The following EPB41 variants were observed in gnomAD, a reference collection of about 807,000 sequenced individuals.
The protein encoded by EPB41 is erythrocyte membrane protein band 4.1.
Under a neutral mutation model 108.0 loss-of-function variants are expected in EPB41, and 65 were observed. The ratio of observed to expected loss-of-function variants is 0.60; its 90% confidence interval spans 0.49 to 0.74. The LOEUF (loss-of-function observed/expected upper bound fraction) is 0.74, where lower values mean the gene tolerates loss of function less well. Among genes scored for constraint, EPB41 ranks in the 30% least tolerant of loss-of-function variants. The pLI, the probability that EPB41 is intolerant of heterozygous loss-of-function variation, is 0.00. For missense variants in EPB41, 875 were observed against 1,037.0 expected, an observed-to-expected ratio of 0.84 and a Z score of 2.15; for synonymous variants, 336 against 358.9, an observed-to-expected ratio of 0.94 and a Z score of 0.72.
intron 7 of EPB41, among the ~76,000 whole-genome samples, chr1:29,020,487 G>A (rs2096630596): frequency 6.6e-6 from 1 of 152,098 alleles, no homozygotes; most frequent in Non-Finnish European, 1.5e-5. Context: ...TGTCAATACT[G>A]TAGGGAAATG....
chr1:29,031,391 G>C (rs547758828), intron 8 of EPB41, among the ~76,000 whole-genome samples: 1 of 152,152 alleles, frequency 6.6e-6, no homozygotes, highest in Non-Finnish European at 1.5e-5. Flanking sequence ...CAGATGTATG[G>C]AATTAATTTG....
At chr1:29,017,406 C>T (rs949408204) in intron 6 of EPB41, among the ~76,000 whole-genome samples, 5 of 152,100 alleles carry the variant, frequency 3.3e-5, no homozygotes, top group Admixed American at 2.6e-4. Flanking sequence ...AGTTAGAACA[C>T]GTGGTAAGGA....
chr1:29,118,519 G>A lies in EPB41; in HGVS notation c.*1707G>A, dbSNP rs1452670073. ...GTTCCAGCTTCCTAAAATAGACAGT[G>A]GGTATCGGGCAGCAGTCACTGGGGC... is the stretch of plus-strand genomic sequence containing the variant. On this transcript the variant is annotated 3_prime_UTR_variant, in exon 21 of 21. Transcript: ENST00000343067. 6.6e-6 allele frequency: 1 copy of A among 152,254 alleles called. No individual in the cohort carries two copies. Among genetic ancestry groups the A allele is most frequent in the South Asian group, 2.1e-4 (1 of 4,834 alleles). 9.4% of individuals were successfully genotyped at this position (152,254 alleles called of 1,614,324 possible). A position where few individuals can be genotyped will look rare whatever the true frequency, so the allele number is the denominator to read the frequency against.
At chr1:28,927,384 A>G (rs997927212) in intron 1 of EPB41, among the ~76,000 whole-genome samples, 2 of 152,172 alleles carry the variant, frequency 1.3e-5, no homozygotes, top group Non-Finnish European at 2.9e-5. Context: ...AAAAATTTTC[A>G]GTAAGGAAGC....
At chr1:28,954,206 A>T (rs2094854587) in intron 1 of EPB41, among the ~76,000 whole-genome samples, 1 of 152,214 alleles carries the variant, frequency 6.6e-6, no homozygotes, top group Non-Finnish European at 1.5e-5. Flanking sequence ...AAGACTTCTA[A>T]TATTGTTTAG....
chr1:28,897,106 G>A (rs1193777506), intron 1 of EPB41, among the ~76,000 whole-genome samples: 1 of 152,176 alleles, frequency 6.6e-6, no homozygotes, highest in African/African-American at 2.4e-5. Context: ...CAGGGCCCAG[G>A]GTACCCACTC....
chr1:29,034,265 G>A (rs1455771625), intron 9 of EPB41, among the ~76,000 whole-genome samples: 2 of 152,062 alleles, frequency 1.3e-5, no homozygotes, highest in Non-Finnish European at 2.9e-5. Flanking sequence ...ACTATTCTAG[G>A]GACTAGGAAT....
Position 29,053,101 on chromosome 1 carries a change from TAGC to T in EPB41, c.1641_1643del (p.Ala548del). ...ATGCTTCCCTTTTCCCTTTCTCACATAGCAGCAGCTGTCGATTCGGCAGACCGA... is the reference window on the plus strand; with the variant it reads ...ATGCTTCCCTTTTCCCTTTCTCACATAGCAGCTGTCGATTCGGCAGACCGA... On this transcript the variant is annotated splice_acceptor_variant and coding_sequence_variant, in exon 12 of 21. Coordinates refer to ENST00000343067, the MANE Select transcript of EPB41 (RefSeq NM_001376013.1). LOFTEE classifies it high-confidence loss of function. 3 of 1,613,830 alleles carry T rather than the reference TAGC, an allele frequency of 1.9e-6. No homozygotes were observed. In the Admixed American group the frequency reaches 5.0e-5, roughly 27 times the overall value.
At chr1:29,075,979 C>T (rs1028352308) in intron 16 of EPB41, among the ~76,000 whole-genome samples, 3 of 152,166 alleles carry the variant, frequency 2.0e-5, no homozygotes, top group African/African-American at 4.8e-5. Context: ...CATATTACAT[C>T]TTTGGACAGC....
At chr1:29,000,214 T>G (rs145598060) in intron 4 of EPB41, among the ~76,000 whole-genome samples, 1 of 152,204 alleles carries the variant, frequency 6.6e-6, no homozygotes, top group Non-Finnish European at 1.5e-5. Context: ...TTCTCCTGCC[T>G]CAGCCTCCCA....
chr1:29,092,593 G>T (rs558175265), intron 16 of EPB41, among the ~76,000 whole-genome samples: 1 of 152,242 alleles, frequency 6.6e-6, no homozygotes, highest in South Asian at 2.1e-4. Context: ...GCGCAGGTTT[G>T]TTATGTAGGT....
At chr1:29,103,326 T>C (rs1017783264) in intron 17 of EPB41, among the ~76,000 whole-genome samples, 1 of 152,210 alleles carries the variant, frequency 6.6e-6, no homozygotes, top group African/African-American at 2.4e-5. Context: ...ATGGAAGCAG[T>C]CATTTTAAAA....
intron 1 of EPB41, among the ~76,000 whole-genome samples, chr1:28,947,570 T>C (rs1434134565): frequency 1.3e-5 from 2 of 152,290 alleles, no homozygotes; most frequent in Non-Finnish European, 1.5e-5. Context: ...CTTACTCTTA[T>C]AACCCGAGCA....
chr1:28,909,488 T>A (rs549598275), intron 1 of EPB41, among the ~76,000 whole-genome samples: 10 of 150,930 alleles, frequency 6.6e-5, no homozygotes, highest in East Asian at 1.9e-4. Context: ...AAATAAATAA[T>A]AAAATAAATA....
chr1:29,054,691 A>G lies in EPB41; in HGVS notation c.1845+1379A>G, dbSNP rs139050000. On this transcript the variant is annotated intron_variant, in intron 12 of 20. Coordinates refer to ENST00000343067, the MANE Select transcript of EPB41 (RefSeq NM_001376013.1). ...ATGGTGAAACCCCATGTCTACAAAA[A>G]ATAAAAAAACTAGCTGGGTATGGTG... Among the ~76,000 whole-genome samples, 445 of 152,254 alleles carry G rather than the reference A, an allele frequency of 2.9e-3. 4 individuals are homozygous for G. Among genetic ancestry groups the G allele is most frequent in the African/African-American group, 9.6e-3 (399 of 41,536 alleles).
chr1:28,972,223 C>A (rs552559882), intron 1 of EPB41, among the ~76,000 whole-genome samples: 43 of 152,296 alleles, frequency 2.8e-4, no homozygotes, highest in African/African-American at 1.0e-3. Flanking sequence ...AGCCACCAAA[C>A]CCAGCCCACT....
chr1:29,072,560 A>G (rs1306236031), intron 16 of EPB41: 2 of 152,210 alleles, frequency 1.3e-5, no homozygotes, highest in Non-Finnish European at 2.9e-5. Flanking sequence ...AAGTCCATTA[A>G]AAGTCTAAGC....
At chr1:29,077,383 C>A (rs1209577650) in intron 16 of EPB41, among the ~76,000 whole-genome samples, 2 of 151,696 alleles carry the variant, frequency 1.3e-5, no homozygotes, top group East Asian at 3.9e-4. Context: ...CCAGCCTGGG[C>A]AACATAGCAA....
At chr1:28,921,864 A>G (rs1326541070) in intron 1 of EPB41, among the ~76,000 whole-genome samples, 1 of 149,594 alleles carries the variant, frequency 6.7e-6, no homozygotes, top group African/African-American at 2.5e-5. Flanking sequence ...TTGCTTTTGG[A>G]GGCAAGAAAA....
Sources: allele counts gnomAD v4.1 joint callset (sites outside exome capture counted in the v4.1 genomes callset), GRCh38; gene constraint gnomAD v4.1.1; transcripts MANE v1.5; gene names NCBI Gene and HGNC (gene_info 2026-07-23, HGNC 2026-07-21).